Variants in STK33 observed in about 807,000 individuals in gnomAD.
STK33 encodes the protein serine/threonine-protein kinase 33.
Under a neutral mutation model 58.0 loss-of-function variants are expected in STK33, and 52 were observed. That is an observed-to-expected ratio of 0.90 (90% CI 0.72 to 1.13). The LOEUF (loss-of-function observed/expected upper bound fraction) is 1.13. Among genes scored for constraint, STK33 ranks in the 50% most tolerant of loss-of-function variants. The pLI is 0.00. For synonymous variants in STK33, 215 were observed against 200.1 expected, an observed-to-expected ratio of 1.07 and a Z score of -0.63; for missense variants, 630 against 604.2, an observed-to-expected ratio of 1.04 and a Z score of -0.45.
chr11:8,438,731 CATA>C (rs1250074923), intron 12 of STK33, among the ~76,000 whole-genome samples: 1 of 152,072 alleles, frequency 6.6e-6, no homozygotes, highest in Non-Finnish European at 1.5e-5. Flanking sequence ...ACATGAATTG[CATA>C]ATATTAGATT....
intron 9 of STK33, among the ~76,000 whole-genome samples, chr11:8,456,453 G>A (rs1014396890): frequency 1.3e-5 from 2 of 152,190 alleles, no homozygotes; most frequent in African/African-American, 4.8e-5. Context: ...GGAGAGCAGG[G>A]GCCTTGTCTT....
At chr11:8,545,206 C>G (rs1332163105) in intron 1 of STK33, among the ~76,000 whole-genome samples, 1 of 152,164 alleles carries the variant, frequency 6.6e-6, no homozygotes, top group African/African-American at 2.4e-5. Flanking sequence ...TCAAAACAAT[C>G]AAAATAAATC....
intron 1 of STK33, among the ~76,000 whole-genome samples, chr11:8,524,413 A>T (rs1437698042): frequency 6.6e-6 from 1 of 152,238 alleles, no homozygotes; most frequent in African/African-American, 2.4e-5. Context: ...AGGAACTCTA[A>T]CAAGTCAGTA....
At chr11:8,552,708 G>A (rs1418318451) in intron 1 of STK33, among the ~76,000 whole-genome samples, 3 of 151,988 alleles carry the variant, frequency 2.0e-5, no homozygotes, top group Non-Finnish European at 4.4e-5. Flanking sequence ...TTGTTCCTCT[G>A]GAAGGTCTTC....
chr11:8,415,227 C>G (rs1940944979), intron 14 of STK33, among the ~76,000 whole-genome samples: 1 of 152,062 alleles, frequency 6.6e-6, no homozygotes, highest in Admixed American at 6.6e-5. Flanking sequence ...ACATCTAAGT[C>G]TGCAATACCA....
At chr11:8,423,239 C>T (rs1942212508) in intron 14 of STK33, among the ~76,000 whole-genome samples, 1 of 151,080 alleles carries the variant, frequency 6.6e-6, no homozygotes, top group Non-Finnish European at 1.5e-5. Context: ...TCTATTCTAC[C>T]TTTGTGTTCT....
At chr11:8,455,105 G>A (rs1946690107) in intron 9 of STK33, among the ~76,000 whole-genome samples, 1 of 152,156 alleles carries the variant, frequency 6.6e-6, no homozygotes, top group Non-Finnish European at 1.5e-5. Context: ...GAGTGTGAAG[G>A]AGGATCCTAC....
At chr11:8,340,066 G>C in the STK33 span, among the ~76,000 whole-genome samples, 3 of 152,250 alleles carry the variant, frequency 2.0e-5, no homozygotes, top group African/African-American at 7.2e-5. Flanking sequence ...TAATGAATAG[G>C]AGTGCGTTCA....
At chr11:8,381,367 G>A in the STK33 span, among the ~76,000 whole-genome samples, 4 of 152,142 alleles carry the variant, frequency 2.6e-5, no homozygotes, top group Non-Finnish European at 5.9e-5. Flanking sequence ...TCTGTCAGCC[G>A]AGAGTCTCCT....
At chr11:8,511,275 G>T (rs1285066757) in intron 1 of STK33, among the ~76,000 whole-genome samples, 1 of 152,040 alleles carries the variant, frequency 6.6e-6, no homozygotes, top group Admixed American at 6.6e-5. Context: ...CTGAGTTCTT[G>T]ATTTCTTAGC....
At chr11:8,397,253 C>G (rs1013574832) in intron 15 of STK33, among the ~76,000 whole-genome samples, 9 of 152,176 alleles carry the variant, frequency 5.9e-5, no homozygotes, top group Non-Finnish European at 1.0e-4. Context: ...GGGTACTCCT[C>G]GGAGACAAAA....
At chr11:8,388,012 G>A (rs1438547806), downstream of STK33, among the ~76,000 whole-genome samples, 1 of 152,188 alleles carries the variant, frequency 6.6e-6, no homozygotes. Flanking sequence ...AGATGCCACA[G>A]GATCTAGTTC....
chr11:8,368,662 G>A, the STK33 span, among the ~76,000 whole-genome samples: 4 of 152,252 alleles, frequency 2.6e-5, no homozygotes, highest in Admixed American at 6.5e-5. Context: ...TGCCCGAGTG[G>A]CAGGTTCTTG....
chr11:8,339,358 C>T, the STK33 span, among the ~76,000 whole-genome samples: 1 of 152,204 alleles, frequency 6.6e-6, no homozygotes, highest in African/African-American at 2.4e-5. Flanking sequence ...ACCTTGTCTC[C>T]TCAGCCCCAA....
chr11:8,495,901 G>C (rs1324242874), intron 1 of STK33, among the ~76,000 whole-genome samples: 1 of 147,568 alleles, frequency 6.8e-6, no homozygotes, highest in South Asian at 2.2e-4. Flanking sequence ...TGAACAATGA[G>C]AACACTTGAA....
At chr11:8,376,387 T>C in the STK33 span, among the ~76,000 whole-genome samples, 3 of 152,118 alleles carry the variant, frequency 2.0e-5, no homozygotes, top group Non-Finnish European at 2.9e-5. Flanking sequence ...TTAATACCAT[T>C]AGCCAAAGCC....
At chr11:8,530,973 G>C (rs184142847) in intron 1 of STK33, among the ~76,000 whole-genome samples, 1 of 152,102 alleles carries the variant, frequency 6.6e-6, no homozygotes. Context: ...TTACAGGCGC[G>C]AGCCACCACA....
rs199852553 is a variant in STK33 at position 8,464,743 on chromosome 11, G to A, written c.419C>T (p.Thr140Met). The A allele has an allele frequency of 2.6e-5, 42 of 1,610,460 alleles. No homozygotes were observed. Among genetic ancestry groups the A allele is most frequent in the African/African-American group, 1.3e-4 (10 of 74,080 alleles). The stretch of plus-strand genomic sequence containing the variant: ...GTTCACTTTTTTAATTGCCCACTTC[G>A]TTTCTGTTTCCTTGTCTGTCGCTTC... ...VIEATDKETE[T>M]KWAIKKVNKE... The change falls in exon 7 of 16, where the codon ACG becomes ATG. Residue 140 changes from threonine to methionine, a missense_variant. Physicochemically the swap from Thr to Met is moderately conservative, Grantham distance 81. Coordinates refer to ENST00000687296, the MANE Select transcript of STK33 (RefSeq NM_001352389.2).
At chr11:8,359,759 G>A in the STK33 span, among the ~76,000 whole-genome samples, 5 of 152,352 alleles carry the variant, frequency 3.3e-5, no homozygotes, top group South Asian at 2.1e-4. Flanking sequence ...CCCTGAGTTC[G>A]GGGGCAAGGG....
Sources: gnomAD v4.1 joint callset for allele counts (sites outside exome capture counted in the v4.1 genomes callset) on GRCh38, gnomAD v4.1.1 for gene constraint, MANE v1.5 for transcripts, NCBI Gene and HGNC (gene_info 2026-07-23, HGNC 2026-07-21) for gene names.